The following CCNL2 variants were observed in gnomAD, a reference collection of about 807,000 sequenced individuals.
CCNL2 encodes cyclin L2.
A neutral mutation model predicts 59.1 loss-of-function variants in CCNL2; 28 were observed. The ratio of observed to expected loss-of-function variants is 0.47; its 90% CI spans 0.35 to 0.65. The LOEUF (loss-of-function observed/expected upper bound fraction) is 0.65. CCNL2 is among the 30% of genes least tolerant of loss of function. The pLI is 0.00. For synonymous variants in CCNL2, 342 were observed against 288.6 expected (o/e 1.19, Z -1.88); for missense variants, 714 against 717.4 (o/e 1.00, Z 0.05).
In CCNL2 at chr1:1,390,455, G is replaced by C. The variant is rs1644705002; in HGVS notation, c.864+4C>G. ...ATACGTTACATGAAAAAATGCCGAA[G>C]AACCTTTTTCCGAGCATAAAGCTGC... On this transcript the variant is annotated splice_donor_region_variant and intron_variant, in intron 7 of 10. Transcript: ENST00000400809. The C allele has an allele frequency of 1.9e-6, 3 of 1,612,920 alleles. No individual in the cohort carries two copies. Among genetic ancestry groups the C allele is most frequent in the Non-Finnish European group, 2.5e-6 (3 of 1,179,492 alleles).
chr1:1,394,197 G>A (rs538811411), intron 4 of CCNL2, among the ~76,000 whole-genome samples: 3 of 151,426 alleles, frequency 2.0e-5, no homozygotes, highest in South Asian at 2.1e-4. Flanking sequence ...GCAGAAAGCC[G>A]AACAAGCAGA....
intron 5 of CCNL2, chr1:1,391,233 T>C (rs2100296111): frequency 9.0e-7 from 1 of 1,107,408 alleles, no homozygotes; most frequent in African/African-American, 1.6e-5. Flanking sequence ...CTGGAGTCAC[T>C]AAAACGCTTT....
Position 1,387,236 on chromosome 1 carries a change from T to G in CCNL2, c.1558A>C (p.Arg520=). 2 of 1,600,972 alleles carry G rather than the reference T, an allele frequency of 1.2e-6. No individual in the cohort carries two copies. Among genetic ancestry groups the G allele is most frequent in the Non-Finnish European group, 1.7e-6 (2 of 1,175,964 alleles). The change falls in exon 11 of 11, where the codon AGG becomes CGG. Residue 520 remains arginine, a synonymous_variant. Coordinates refer to ENST00000400809, the MANE Select transcript of CCNL2 (RefSeq NM_030937.6). ...RDHPGHSRHR[R] ...CCAGTCACTGCAACCCCGCCTCACC[T>G]CCGATGCCTGCTGTGCCCAGGGTGG...
rs141555700 is a variant in CCNL2 at position 1,387,840 on chromosome 1, C to T, written c.1148G>A (p.Arg383Gln). The T allele has an allele frequency of 1.9e-5, 30 of 1,613,306 alleles. No individual in the cohort carries two copies. Among genetic ancestry groups the T allele is most frequent in the South Asian group, 8.8e-5 (8 of 91,040 alleles). Residue 383 changes from arginine (R) to glutamine (Q), a missense_variant, in exon 10 of 11, where the codon CGG becomes CAG. Coordinates refer to ENST00000400809, the MANE Select transcript of CCNL2 (RefSeq NM_030937.6). ...GTAGCTCTGCTCACGGCTCCGGCTC[C>T]GACTCCGACTCTCTCGCCCCTTTGG... ...GLPKGRESRS[R>Q]SRSREQSYSR...
At chr1:1,392,094 C>A (rs1229344657) in intron 5 of CCNL2, 1 of 169,484 alleles carries the variant, frequency 5.9e-6, no homozygotes, top group Admixed American at 6.2e-5. Flanking sequence ...GGAAGCAGCT[C>A]CAGGCATCAC....
At chr1:1,392,756 C>A (rs762691112) in intron 5 of CCNL2, 1 of 1,609,936 alleles carries the variant, frequency 6.2e-7, no homozygotes. Context: ...CACCAAAGCG[C>A]TTGGACAGCA....
intron 5 of CCNL2, chr1:1,392,478 C>T: frequency 4.0e-6 from 5 of 1,249,206 alleles, no homozygotes; most frequent in Non-Finnish European, 5.0e-6. Context: ...ATTCTCACAG[C>T]TTTCCATAGC....
intron 8 of CCNL2, chr1:1,388,565 GTC>G (rs70949586): frequency 0.67 from 254,235 of 379,262 alleles, 76,333 homozygotes; most frequent in Non-Finnish European, 0.71. Flanking sequence ...GTGAGTGTGT[GTC>G]TCTCTCTCTC....
In CCNL2 at chr1:1,387,601, C is replaced by T; in HGVS notation, c.1212-19G>A. ...ACTTTTCCTGGGAGGAAGAACAGCA[C>T]CACCACACGTGTGACCATCTGGCCC... On this transcript the variant is annotated intron_variant, in intron 10 of 10. Coordinates refer to ENST00000400809, the MANE Select transcript of CCNL2 (RefSeq NM_030937.6). 6.8e-7 allele frequency: 1 copy of T among 1,469,854 alleles called. No individual in the cohort carries two copies. The highest frequency in any genetic ancestry group is 9.0e-7 in the Non-Finnish European group (1 of 1,105,050). The allele number at this position is 1,469,854 out of a possible 1,614,324, so 91.1% of individuals were successfully genotyped here. A position where few individuals can be genotyped will look rare whatever the true frequency, so the allele number is the denominator to read the frequency against.
At position 1,397,585 on chromosome 1, in the gene CCNL2, G is replaced by T. The variant is rs150313985; in HGVS notation, c.473+648C>A. On this transcript the variant is annotated intron_variant, in intron 3 of 10. Transcript: ENST00000400809. Reference sequence around the variant, plus strand: ...CCTACAACTAAAGATTACCCAGCCAGATGCGGTGGCTGAAATCTGTAATCC... The same window carrying T: ...CCTACAACTAAAGATTACCCAGCCATATGCGGTGGCTGAAATCTGTAATCC... 8.5e-3 allele frequency among the ~76,000 whole-genome samples: 1,301 copies of T among 152,338 alleles called. 19 individuals are homozygous for T. Among genetic ancestry groups the T allele is most frequent in the African/African-American group, 0.029 (1,196 of 41,580 alleles).
At chr1:1,396,476 G>T (rs1465591858) in intron 3 of CCNL2, among the ~76,000 whole-genome samples, 7 of 151,660 alleles carry the variant, frequency 4.6e-5, no homozygotes, top group African/African-American at 1.7e-4. Context: ...ATGTTGGTCA[G>T]GCTGGTCTCG....
In CCNL2 at chr1:1,386,764, A is replaced by G. The variant is rs897215221; in HGVS notation, c.*467T>C. ...GTGGAGAGAGAATAAGGGGCAGTTA[A>G]GGCCACTTTCTCCTGTGAAACACTG... On this transcript the variant is annotated 3_prime_UTR_variant, in exon 11 of 11. Coordinates refer to ENST00000400809, the MANE Select transcript of CCNL2 (RefSeq NM_030937.6). The G allele has an allele frequency of 6.4e-6, 1 of 156,630 alleles. No individual in the cohort carries two copies. Among genetic ancestry groups the G allele is most frequent in the African/African-American group, 2.4e-5 (1 of 41,638 alleles). The allele number at this position is 156,630 out of a possible 1,614,324, so 9.7% of individuals were successfully genotyped here.
intron 8 of CCNL2, 167 bp from the exon 9 acceptor site, chr1:1,388,232 T>G: frequency 3.2e-6 from 2 of 616,872 alleles, no homozygotes; most frequent in Non-Finnish European, 5.7e-6. Context: ...ATCACAGAAA[T>G]GCAGATGGGG....
chr1:1,398,933 G>T (rs1645210792), intron 1 of CCNL2, 86 bp downstream of exon 1: 4 of 1,462,812 alleles, frequency 2.7e-6, no homozygotes, highest in East Asian at 2.6e-5. Flanking sequence ...TCTAGGCGGG[G>T]GCGGTGCGGG....
chr1:1,398,165 A>C, intron 3 of CCNL2, 68 bp downstream of exon 3: 1 of 1,448,388 alleles, frequency 6.9e-7, no homozygotes. Flanking sequence ...TACAAGCCTT[A>C]CTGTAACTTA....
At position 1,386,753 on chromosome 1, in the gene CCNL2, A is replaced by C. The variant is rs753917141; in HGVS notation, c.*478T>G. ...TTATTTACAACGTGGAGAGAGAATA[A>C]GGGGCAGTTAAGGCCACTTTCTCCT... On this transcript the variant is annotated 3_prime_UTR_variant, in exon 11 of 11. Transcript: ENST00000400809. 2.6e-5 allele frequency: 4 copies of C among 155,738 alleles called. No individual in the cohort carries two copies. Among genetic ancestry groups the C allele is most frequent in the Non-Finnish European group, 5.7e-5 (4 of 70,314 alleles). The allele number at this position is 155,738 out of a possible 1,614,324, so 9.6% of individuals were successfully genotyped here.
chr1:1,391,066 G>T, intron 5 of CCNL2: 2 of 1,023,136 alleles, frequency 2.0e-6, no homozygotes, highest in Non-Finnish European at 2.6e-6. Flanking sequence ...AGTAAATACA[G>T]GACAGAAAGG....
At chr1:1,391,269 A>G in intron 5 of CCNL2, 1 of 1,106,454 alleles carries the variant, frequency 9.0e-7, no homozygotes, top group Non-Finnish European at 1.1e-6. Context: ...AAATGCTCAA[A>G]ATCCATAGTG....
At chr1:1,388,372 T>G in intron 8 of CCNL2, 1 of 393,850 alleles carries the variant, frequency 2.5e-6, no homozygotes, top group Non-Finnish European at 4.9e-6. Flanking sequence ...ACTACAAAAA[T>G]TAGCTGGGCT....
Sources: gnomAD v4.1 joint callset for allele counts (sites outside exome capture counted in the v4.1 genomes callset) on GRCh38, gnomAD v4.1.1 for gene constraint, MANE v1.5 for transcripts, NCBI Gene and HGNC (gene_info 2026-07-23, HGNC 2026-07-21) for gene names.